The following MDGA1 variants were observed in gnomAD, a reference collection of about 807,000 sequenced individuals.
MDGA1 encodes MAM domain-containing glycosylphosphatidylinositol anchor protein 1.
A neutral mutation model predicts 101.5 loss-of-function variants in MDGA1; 54 were observed. The ratio of observed to expected loss-of-function variants is 0.53; its 90% confidence interval spans 0.43 to 0.67. The LOEUF (loss-of-function observed/expected upper bound fraction) is 0.67. Ranked by LOEUF, MDGA1 falls within the 30% of genes least tolerant of loss-of-function variation. The probability of loss-of-function intolerance (pLI) is 0.00; values close to 1 mark genes in which losing one functional copy is unlikely to be tolerated. For synonymous variants in MDGA1, 533 were observed against 558.3 expected (o/e 0.95, Z 0.64); for missense variants, 1,083 against 1,323.8 (o/e 0.82, Z 2.82).
chr6:37,662,696 A>T (rs948798359), intron 2 of MDGA1, among the ~76,000 whole-genome samples: 2 of 152,104 alleles, frequency 1.3e-5, no homozygotes, highest in African/African-American at 4.8e-5. Context: ...AGAAGATGCA[A>T]GGTCAAATAT....
At position 37,655,767 on chromosome 6, in the gene MDGA1, C is replaced by T. The variant is rs747208401; in HGVS notation, c.512G>A (p.Arg171Gln). 2.5e-6 allele frequency: 4 copies of T among 1,613,172 alleles called. No individual in the cohort carries two copies. The highest frequency in any genetic ancestry group is 1.1e-5 in the South Asian group (1 of 90,854). The change falls in exon 4 of 17, where the codon CGG becomes CAG. Residue 171 changes from arginine to glutamine, a missense_variant. By Grantham distance (43) the Arg-to-Gln change is conservative. This residue lies in a region of MDGA1 where 310 missense variants were observed against 355.9 expected (regional missense o/e 0.87). Transcript: ENST00000434837. The surrounding 1 kb of genome is among the most constrained non-coding windows in gnomAD (Gnocchi z 5.1). Reference protein sequence around the residue: ...SNPPARFIWKRGSDTLSHSQD... With the variant: ...SNPPARFIWKQGSDTLSHSQD... The stretch of plus-strand genomic sequence containing the variant: ...GCTGTGGGATAGGGTATCGGAACCC[C>T]GCTTCCAGATGAAGCGGGCAGGCGG...
intron 1 of MDGA1, among the ~76,000 whole-genome samples, chr6:37,674,461 T>C (rs1465301208): frequency 6.6e-6 from 1 of 152,222 alleles, no homozygotes; most frequent in Non-Finnish European, 1.5e-5. Flanking sequence ...CTGGCACCCT[T>C]ACAACTCTCC....
intron 3 of MDGA1, among the ~76,000 whole-genome samples, chr6:37,657,677 CTGACTCAGCCTGACGGA>C (rs1761522689): frequency 6.6e-6 from 1 of 152,184 alleles, no homozygotes; most frequent in African/African-American, 2.4e-5. Context: ...TTCTGGGTAC[CTGACTCAGCCTGACGGA>C]TGACTCAGGA....
At position 37,638,649 on chromosome 6, in the gene MDGA1, A is replaced by G; in HGVS notation, c.2555T>C (p.Val852Ala). ...CAGAGCCCCTTTGTTCCGGGACCGC[A>G]CCAGGAGGTTGAGGGAGCCTGCGGT... ...GKHIGSLNLL[V>A]RSRNKGALDT... The change falls in exon 15 of 17, where the codon GTG (valine) becomes GCG (alanine). Residue 852 changes from valine to alanine, a missense_variant. Around this residue, in one of 3 missense-constraint regions of MDGA1, gnomAD observed 657 missense variants for 771.4 expected, o/e 0.85. Transcript: ENST00000434837. The surrounding 1 kb of genome is among the most constrained non-coding windows in gnomAD (Gnocchi z 4.8). The G allele has an allele frequency of 8.7e-6, 14 of 1,613,526 alleles. No homozygotes were observed. Among genetic ancestry groups the G allele is most frequent in the Non-Finnish European group, 1.2e-5 (14 of 1,179,712 alleles).
At chr6:37,689,357 G>A (rs2114107731) in intron 1 of MDGA1, among the ~76,000 whole-genome samples, 1 of 152,298 alleles carries the variant, frequency 6.6e-6, no homozygotes, top group East Asian at 1.9e-4. Context: ...TGAGCTCAGT[G>A]CTCATTGTCC....
Position 37,663,984 on chromosome 6 carries a change from C to T in MDGA1, c.190G>A (p.Gly64Arg). Reference sequence around the variant, plus strand: ...GGGCTTACCTGGGGTCGAGGGTGCCCTGTTACAAGGCACTGCAGCATGAGG... The same window carrying T: ...GGGCTTACCTGGGGTCGAGGGTGCCTTGTTACAAGGCACTGCAGCATGAGG... The part of the protein sequence containing the change: ...DTLMLQCLVT[G>R]HPRPQVRWTK... Residue 64 changes from glycine (G) to arginine (R), a missense_variant, in exon 2 of 17, where the codon GGG becomes AGG. By Grantham distance (125) the Gly-to-Arg change is moderately radical. Transcript: ENST00000434837. 1 of 1,613,884 alleles carries T rather than the reference C, an allele frequency of 6.2e-7. No homozygotes were observed. Among genetic ancestry groups the T allele is most frequent in the Non-Finnish European group, 8.5e-7 (1 of 1,179,810 alleles).
At chr6:37,683,662 C>T (rs1010724748) in intron 1 of MDGA1, among the ~76,000 whole-genome samples, 1 of 152,230 alleles carries the variant, frequency 6.6e-6, no homozygotes, top group Admixed American at 6.5e-5. Flanking sequence ...GCCCTAGTTC[C>T]CTCACCCCAT....
At position 37,655,521 on chromosome 6, in the gene MDGA1, C is replaced by T; in HGVS notation, c.579+179G>A. On this transcript the variant is annotated intron_variant, in intron 4 of 16. Coordinates refer to ENST00000434837, the MANE Select transcript of MDGA1 (RefSeq NM_153487.4). This position sits in a 1 kb window ranked among gnomAD's most constrained non-coding sequence, Gnocchi z 5.1. ...ACACTCCTGCCCTCATTGCTGCTCC[C>T]TGACCTTTCCATCTGATTTTTCTGC... 1 of 596,984 alleles carries T rather than the reference C, an allele frequency of 1.7e-6. No individual in the cohort carries two copies. Among genetic ancestry groups the T allele is most frequent in the Non-Finnish European group, 3.0e-6 (1 of 338,524 alleles). 37.0% of individuals were successfully genotyped at this position (596,984 alleles called of 1,614,324 possible).
chr6:37,657,360 T>C (rs1440499950), intron 3 of MDGA1, among the ~76,000 whole-genome samples: 1 of 152,172 alleles, frequency 6.6e-6, no homozygotes, highest in Non-Finnish European at 1.5e-5. Context: ...AGCCCATCAT[T>C]CTGCCCCTTC....
intron 1 of MDGA1, among the ~76,000 whole-genome samples, chr6:37,691,222 G>T (rs527452320): frequency 6.6e-6 from 1 of 152,232 alleles, no homozygotes; most frequent in African/African-American, 2.4e-5. Context: ...TTCCTTCCCT[G>T]CAAATCAGAA....
intron 1 of MDGA1, among the ~76,000 whole-genome samples, chr6:37,690,631 G>A (rs1169699419): frequency 6.6e-6 from 1 of 152,034 alleles, no homozygotes; most frequent in East Asian, 1.9e-4. Context: ...ATAAAAATTA[G>A]CTGGGTGTGG....
In MDGA1 at chr6:37,655,435, C is replaced by CT; in HGVS notation, c.579+264dup. 2.4e-6 allele frequency: 1 copy of CT among 410,756 alleles called. No individual in the cohort carries two copies. The highest frequency in any genetic ancestry group is 4.3e-6 in the Non-Finnish European group (1 of 230,062). 25.4% of individuals were successfully genotyped at this position (410,756 alleles called of 1,614,324 possible). A position where few individuals can be genotyped will look rare whatever the true frequency, so the allele number is the denominator to read the frequency against. ...CCAGCAGCAGACTGGGATGACCTGT[C>CT]TGCCCCTAGGGGTGCCTTTTCCTAA... On this transcript the variant is annotated intron_variant, in intron 4 of 16. Transcript: ENST00000434837. This position sits in a 1 kb window ranked among gnomAD's most constrained non-coding sequence, Gnocchi z 5.1.
intron 2 of MDGA1, among the ~76,000 whole-genome samples, chr6:37,660,706 G>A (rs1392070138): frequency 6.6e-6 from 1 of 151,792 alleles, no homozygotes; most frequent in Non-Finnish European, 1.5e-5. Flanking sequence ...CTTTCAAATT[G>A]CTCTGTTTTC....
intron 1 of MDGA1, among the ~76,000 whole-genome samples, chr6:37,669,602 G>A (rs1761827839): frequency 6.6e-6 from 1 of 152,140 alleles, no homozygotes; most frequent in Admixed American, 6.5e-5. Flanking sequence ...GGAATGGCCA[G>A]AACCATGTTT....
rs1763932153 is a variant in MDGA1, at chr6:37,636,500, C to T, written c.*868G>A. ...CCTTTCTCCAAGTCAAGCCTCACCC[C>T]AGAAAATGGGCTGGCCACCGCTCCC... On this transcript the variant is annotated 3_prime_UTR_variant, in exon 17 of 17. Coordinates refer to ENST00000434837, the MANE Select transcript of MDGA1 (RefSeq NM_153487.4). 6.6e-6 allele frequency: 1 copy of T among 152,226 alleles called. No individual in the cohort carries two copies. Among genetic ancestry groups the T allele is most frequent in the Admixed American group, 6.5e-5 (1 of 15,282 alleles). 9.4% of individuals were successfully genotyped at this position (152,226 alleles called of 1,614,324 possible).
intron 1 of MDGA1, among the ~76,000 whole-genome samples, chr6:37,671,410 C>T (rs1028395900): frequency 1.3e-5 from 2 of 152,142 alleles, no homozygotes; most frequent in Non-Finnish European, 2.9e-5. Flanking sequence ...AAGCTTAATA[C>T]AAAACTGACA....
chr6:37,639,449 T>G (rs1764012520), intron 14 of MDGA1: 1 of 152,398 alleles, frequency 6.6e-6, no homozygotes, highest in South Asian at 2.1e-4. Context: ...TTACCCCCTC[T>G]GCTCAGTCTC....
intron 1 of MDGA1, among the ~76,000 whole-genome samples, chr6:37,681,764 AC>A (rs1762101277): frequency 1.3e-5 from 2 of 152,130 alleles, no homozygotes; most frequent in Non-Finnish European, 2.9e-5. Context: ...ACACACACAC[AC>A]ACTGATCTCC....
intron 3 of MDGA1, 66 bp downstream of exon 3, chr6:37,658,179 C>A: frequency 6.9e-7 from 1 of 1,459,266 alleles, no homozygotes; most frequent in South Asian, 1.4e-5. Flanking sequence ...CTCACCTCAT[C>A]CCTGGGGCGC....
Sources: gnomAD v4.1 joint callset for allele counts (sites outside exome capture counted in the v4.1 genomes callset) on GRCh38, gnomAD v4.1.1 for gene constraint, gnomAD v4.1.1 regional missense constraint, Gnocchi (gnomAD v3.1) non-coding constraint, MANE v1.5 for transcripts, NCBI Gene and HGNC (gene_info 2026-07-23, HGNC 2026-07-21) for gene names.